The following ARHGEF16 variants were observed in gnomAD, a reference collection of about 807,000 sequenced individuals.
The protein encoded by ARHGEF16 is Rho guanine exchange factor (GEF) 16.
ARHGEF16 carries 59 observed loss-of-function variants against 74.1 expected under a neutral mutation model. That is an observed-to-expected ratio of 0.80 (90% CI 0.65 to 0.99). ARHGEF16 has a LOEUF of 0.99. ARHGEF16 is among the 50% of genes least tolerant of loss of function. The pLI is 0.00. For synonymous variants in ARHGEF16, 415 were observed against 412.6 expected, an observed-to-expected ratio of 1.01 and a Z score of -0.07; for missense variants, 948 against 986.6, an observed-to-expected ratio of 0.96 and a Z score of 0.52.
At chr1:3,469,304 G>A in intron 5 of ARHGEF16, 129 bp from the exon 6 acceptor site, 1 of 1,060,380 alleles carries the variant, frequency 9.4e-7, no homozygotes, top group Non-Finnish European at 1.4e-6. Context: ...CCATCCAGGG[G>A]TGTGTCTGGG....
Position 3,473,102 on chromosome 1 carries a change from G to A in ARHGEF16, c.1047G>A (p.Arg349=). 2 of 1,613,176 alleles carry A rather than the reference G, an allele frequency of 1.2e-6. No homozygotes were observed. Among genetic ancestry groups the A allele is most frequent in the Non-Finnish European group, 1.7e-6 (2 of 1,179,882 alleles). The change falls in exon 7 of 15, where the codon CGG becomes CGA. Residue 349 remains arginine, a synonymous_variant. Transcript: ENST00000378378. ...GGTTCTTCGAGGACCTGGAGCAGCG[G>A]CACAAGGCCCAGGTGCTGGTCGAGG... ...SQRFFEDLEQ[R]HKAQVLVEDI...
At chr1:3,459,601 C>A (rs1192728211) in intron 1 of ARHGEF16, among the ~76,000 whole-genome samples, 1 of 152,050 alleles carries the variant, frequency 6.6e-6, no homozygotes, top group Non-Finnish European at 1.5e-5. Context: ...GAGCACTGGG[C>A]CCTCTGGAGA....
chr1:3,455,532 G>A (rs192711037), intron 1 of ARHGEF16, among the ~76,000 whole-genome samples: 72 of 152,194 alleles, frequency 4.7e-4, no homozygotes, highest in African/African-American at 1.6e-3. Flanking sequence ...TCCCTTTTGA[G>A]ATTTGAGCAG....
intron 8 of ARHGEF16, chr1:3,474,383 G>A (rs1361035727): frequency 8.9e-6 from 3 of 337,840 alleles, no homozygotes; most frequent in African/African-American, 2.1e-5. Flanking sequence ...AACTCCTGGG[G>A]GCCCCAGGGA....
chr1:3,473,530 C>CA lies in ARHGEF16; in HGVS notation c.1305+9dup. ...CTGCCCCTCCTGATGGATGTAAGTC[C>CA]ACGGCCTGAGGGTGGGGCCGGGCAT... On this transcript the variant is annotated intron_variant, in intron 8 of 14. Coordinates refer to ENST00000378378, the MANE Select transcript of ARHGEF16 (RefSeq NM_014448.4). 6.2e-7 allele frequency: 1 copy of CA among 1,605,888 alleles called. No homozygotes were observed. Among genetic ancestry groups the CA allele is most frequent in the East Asian group, 2.2e-5 (1 of 44,882 alleles).
chr1:3,464,607 G>A (rs2100738422), intron 2 of ARHGEF16, among the ~76,000 whole-genome samples: 1 of 152,312 alleles, frequency 6.6e-6, no homozygotes, highest in East Asian at 1.9e-4. Context: ...TTCTTGTTGG[G>A]CGCCTTGCTC....
chr1:3,471,544 A>G, intron 6 of ARHGEF16: 2 of 770,212 alleles, frequency 2.6e-6, no homozygotes, highest in South Asian at 3.2e-5. Flanking sequence ...GGGCTGGGGG[A>G]GGGGGAGGGG....
intron 2 of ARHGEF16, among the ~76,000 whole-genome samples, chr1:3,465,145 C>T (rs1189281831): frequency 6.6e-6 from 1 of 152,242 alleles, no homozygotes; most frequent in Non-Finnish European, 1.5e-5. Flanking sequence ...TTCATTCATT[C>T]ACTGTTTATT....
At chr1:3,455,273 C>T (rs1639241046) in intron 1 of ARHGEF16, among the ~76,000 whole-genome samples, 1 of 151,880 alleles carries the variant, frequency 6.6e-6, no homozygotes, top group Non-Finnish European at 1.5e-5. Context: ...AATCTGACAC[C>T]CAAACCTGCT....
intron 10 of ARHGEF16, among the ~76,000 whole-genome samples, chr1:3,477,197 G>C (rs1161401212): frequency 7.4e-6 from 1 of 135,524 alleles, no homozygotes; most frequent in Non-Finnish European, 1.6e-5. Flanking sequence ...AGGTGAGGAG[G>C]TGTCAACAGT....
Position 3,463,622 on chromosome 1 carries a change from C to CA in ARHGEF16, c.538_539insA (p.Leu180HisfsTer3). The CA allele has an allele frequency of 7.0e-7, 1 of 1,429,548 alleles. No homozygotes were observed. The highest frequency in any genetic ancestry group is 9.2e-7 in the Non-Finnish European group (1 of 1,086,436). The allele number at this position is 1,429,548 out of a possible 1,614,324, so 88.6% of individuals were successfully genotyped here. A position where few individuals can be genotyped will look rare whatever the true frequency, so the allele number is the denominator to read the frequency against. On this transcript the variant is annotated frameshift_variant, in exon 2 of 15. Transcript: ENST00000378378. LOFTEE classifies it high-confidence loss of function. ...CCAGCTAAGCCCTAAGCTCCAGGCT[C>CA]TGGCTGAGGAACCCAGCCAGCCTCA...
At chr1:3,457,739 C>T (rs978509440) in intron 1 of ARHGEF16, among the ~76,000 whole-genome samples, 7 of 152,170 alleles carry the variant, frequency 4.6e-5, no homozygotes, top group African/African-American at 1.7e-4. Context: ...ACCGGCCAGG[C>T]GGGGGCCCCT....
At chr1:3,464,621 C>T (rs1235583312) in intron 2 of ARHGEF16, among the ~76,000 whole-genome samples, 1 of 152,178 alleles carries the variant, frequency 6.6e-6, no homozygotes, top group East Asian at 1.9e-4. Flanking sequence ...CTTGCTCAGA[C>T]GTGTTGGAAA....
chr1:3,473,342 G>C, intron 7 of ARHGEF16, 51 bp from the exon 8 acceptor site: 1 of 1,579,242 alleles, frequency 6.3e-7, no homozygotes, highest in Non-Finnish European at 8.6e-7. Flanking sequence ...GCCTGATTTT[G>C]GTACAGGCTG....
At chr1:3,473,049 G>T (rs372923074) in intron 6 of ARHGEF16, 29 bp from the exon 7 acceptor site, 2 of 1,604,812 alleles carry the variant, frequency 1.2e-6, no homozygotes, top group East Asian at 2.2e-5. Context: ...CAGGCCCGTG[G>T]CACCCTCCTC....
chr1:3,473,564 G>T (rs1467341478), intron 8 of ARHGEF16, 42 bp downstream of exon 8: 1 of 1,600,174 alleles, frequency 6.2e-7, no homozygotes, highest in Non-Finnish European at 8.5e-7. Flanking sequence ...ATACCATCCT[G>T]GGGTCCCACG....
At chr1:3,472,617 C>T (rs1368617211) in intron 6 of ARHGEF16, among the ~76,000 whole-genome samples, 1 of 152,234 alleles carries the variant, frequency 6.6e-6, no homozygotes, top group Non-Finnish European at 1.5e-5. Flanking sequence ...TCCCCTGAGT[C>T]TCCGTCCTTG....
chr1:3,463,101 C>T lies in ARHGEF16; in HGVS notation c.17C>T (p.Ser6Leu). MAQRH[S>L]DSSLEEKLLG... ...CCGCCCAGCATGGCCCAGCGGCACT[C>T]AGACAGCTCCTTGGAGGAGAAGCTC... Residue 6 changes from serine (S) to leucine (L), a missense_variant, in exon 2 of 15, where the codon TCA (serine) becomes TTA (leucine). Ser to Leu is a moderately radical substitution (Grantham distance 145, BLOSUM62 -2). Transcript: ENST00000378378. 1 of 1,457,368 alleles carries T rather than the reference C, an allele frequency of 6.9e-7. No homozygotes were observed. Among genetic ancestry groups the T allele is most frequent in the African/African-American group, 1.4e-5 (1 of 70,074 alleles). 90.3% of individuals were successfully genotyped at this position (1,457,368 alleles called of 1,614,324 possible).
intron 6 of ARHGEF16, among the ~76,000 whole-genome samples, chr1:3,471,118 G>A (rs1639709572): frequency 1.3e-5 from 2 of 151,300 alleles, no homozygotes; most frequent in African/African-American, 4.9e-5. Context: ...GCCTGGGCAG[G>A]GGTGTGTGTG....
Sources: gnomAD v4.1 joint callset for allele counts (sites outside exome capture counted in the v4.1 genomes callset) on GRCh38, gnomAD v4.1.1 for gene constraint, MANE v1.5 for transcripts, NCBI Gene and HGNC (gene_info 2026-07-23, HGNC 2026-07-21) for gene names.